Variants in PTH2R observed in about 807,000 individuals in gnomAD.
The protein encoded by PTH2R is PTH2 receptor.
A neutral mutation model predicts 60.3 loss-of-function variants in PTH2R; 59 were observed. That is an observed-to-expected ratio of 0.98 (90% CI 0.79 to 1.22). The LOEUF is 1.22. PTH2R is among the 50% of genes most tolerant of loss of function. The probability of loss-of-function intolerance (pLI) is 0.00; values close to 1 mark genes in which losing one functional copy is unlikely to be tolerated. For synonymous variants in PTH2R, 256 were observed against 243.8 expected (o/e 1.05, Z -0.47); for missense variants, 749 against 682.6 (o/e 1.10, Z -1.08).
chr2:208,442,436 G>C lies in PTH2R; in HGVS notation c.484G>C (p.Ala162Pro). 6.2e-7 allele frequency: 1 copy of C among 1,611,682 alleles called. No individual in the cohort carries two copies. The highest frequency in any genetic ancestry group is 8.5e-7 in the Non-Finnish European group (1 of 1,177,896). ...CATCTCTTTTGGTTCCTTGGCTGTG[G>C]CTATTCTCATCATTGGTTACTTCAG... ...YSISFGSLAV[A>P]ILIIGYFRRL... Residue 162 changes from alanine to proline, a missense_variant, in exon 5 of 13, where the codon GCT becomes CCT. Ala to Pro is a conservative substitution (Grantham distance 27). Coordinates refer to ENST00000272847, the MANE Select transcript of PTH2R (RefSeq NM_005048.4).
chr2:208,422,517 GAA>G (rs1288387040), intron 1 of PTH2R, among the ~76,000 whole-genome samples: 1 of 151,964 alleles, frequency 6.6e-6, no homozygotes, highest in African/African-American at 2.4e-5. Context: ...TTCACTTTAG[GAA>G]AGATATATTT....
At chr2:208,421,851 G>A (rs1701762601) in intron 1 of PTH2R, among the ~76,000 whole-genome samples, 1 of 152,182 alleles carries the variant, frequency 6.6e-6, no homozygotes, top group Admixed American at 6.6e-5. Flanking sequence ...TGAATTCCAA[G>A]CAAAATTCCT....
At chr2:208,430,690 G>C (rs1330906227) in intron 2 of PTH2R, among the ~76,000 whole-genome samples, 2 of 152,074 alleles carry the variant, frequency 1.3e-5, no homozygotes, top group African/African-American at 4.8e-5. Flanking sequence ...GGGACTACAG[G>C]TGCCTGCCAC....
intron 1 of PTH2R, among the ~76,000 whole-genome samples, chr2:208,382,850 T>A (rs1012053563): frequency 5.3e-5 from 8 of 152,218 alleles, no homozygotes; most frequent in African/African-American, 1.9e-4. Context: ...TGTGATATTC[T>A]CTGAGGCACA....
upstream of PTH2R, among the ~76,000 whole-genome samples, chr2:208,405,180 C>T (rs1701378952): frequency 6.6e-6 from 1 of 152,074 alleles, no homozygotes. Flanking sequence ...GAAATTGTTA[C>T]ATTACCTAAA....
intron 1 of PTH2R, among the ~76,000 whole-genome samples, chr2:208,365,841 C>T (rs1700567884): frequency 7.2e-6 from 1 of 139,744 alleles, no homozygotes; most frequent in Admixed American, 7.5e-5. Flanking sequence ...TGGGCTCAAG[C>T]AATTCTGCTT....
chr2:208,450,162 G>A (rs1003476080), intron 7 of PTH2R, among the ~76,000 whole-genome samples: 3 of 152,090 alleles, frequency 2.0e-5, no homozygotes, highest in Admixed American at 6.6e-5. Context: ...CAAATATCTC[G>A]CGCTCAAATC....
rs1214536591 is a variant in PTH2R at position 208,388,132 on chromosome 2, A to C, written c.-259+27895A>C. Among the ~76,000 whole-genome samples the C allele has an allele frequency of 1.5e-3, 198 of 131,328 alleles. 1 individual carries two copies. Among genetic ancestry groups the C allele is most frequent in the South Asian group, 8.7e-3 (32 of 3,664 alleles). The allele number at this position is 131,328 out of a possible 152,430, so 86.2% of individuals were successfully genotyped here. On this transcript the variant is annotated intron_variant, in intron 1 of 12. Coordinates refer to the PTH2R transcript ENST00000617735. ...AGACCATTCTGGCTAACATGGTGAA[A>C]CCCCCCCCCCCGTCTCTACTAAAAA...
chr2:208,372,912 C>T (rs578066260), intron 1 of PTH2R, among the ~76,000 whole-genome samples: 33 of 151,908 alleles, frequency 2.2e-4, no homozygotes, highest in Non-Finnish European at 4.3e-4. Context: ...TGGCAAAACC[C>T]CGTCTCCACC....
chr2:208,449,793 A>G (rs1318365544), intron 7 of PTH2R, among the ~76,000 whole-genome samples: 3 of 152,142 alleles, frequency 2.0e-5, no homozygotes, highest in African/African-American at 7.2e-5. Flanking sequence ...AATTTTTTTA[A>G]AGGTTAAGAA....
intron 1 of PTH2R, among the ~76,000 whole-genome samples, chr2:208,418,049 T>C (rs956480271): frequency 3.3e-5 from 5 of 152,146 alleles, no homozygotes; most frequent in Non-Finnish European, 7.3e-5. Flanking sequence ...AGTTCAGTAA[T>C]GTCACCAAGA....
At chr2:208,405,625 G>C (rs1701387359), upstream of PTH2R, among the ~76,000 whole-genome samples, 1 of 152,086 alleles carries the variant, frequency 6.6e-6, no homozygotes, top group South Asian at 2.1e-4. Flanking sequence ...TACTTATTGA[G>C]CATTTCCTTG....
At chr2:208,447,997 T>C (rs1401706845) in intron 7 of PTH2R, among the ~76,000 whole-genome samples, 1 of 152,214 alleles carries the variant, frequency 6.6e-6, no homozygotes, top group African/African-American at 2.4e-5. Flanking sequence ...CCATCCTTAA[T>C]TTTCAACTGT....
At chr2:208,460,103 G>A in intron 9 of PTH2R, 142 bp downstream of exon 9, 1 of 693,088 alleles carries the variant, frequency 1.4e-6, no homozygotes, top group Non-Finnish European at 2.4e-6. Flanking sequence ...GGAGAGTCTG[G>A]GACAGAGATC....
At chr2:208,430,398 A>C (rs1285787868) in intron 2 of PTH2R, among the ~76,000 whole-genome samples, 1 of 151,910 alleles carries the variant, frequency 6.6e-6, no homozygotes, top group Admixed American at 6.5e-5. Flanking sequence ...ACCTTGAAAG[A>C]TACTTTTTCT....
At chr2:208,427,077 A>G (rs574719802) in intron 1 of PTH2R, among the ~76,000 whole-genome samples, 21 of 152,358 alleles carry the variant, frequency 1.4e-4, no homozygotes, top group Non-Finnish European at 3.1e-4. Context: ...AAATGGCACA[A>G]GGGGTGATTT....
intron 8 of PTH2R, among the ~76,000 whole-genome samples, chr2:208,459,692 G>C (rs968933508): frequency 6.6e-6 from 1 of 152,082 alleles, no homozygotes; most frequent in Non-Finnish European, 1.5e-5. Context: ...TCATCTTCAA[G>C]GGGTAGCTAA....
intron 6 of PTH2R, among the ~76,000 whole-genome samples, chr2:208,443,922 C>T (rs976452376): frequency 9.2e-5 from 14 of 152,070 alleles, no homozygotes; most frequent in African/African-American, 2.9e-4. Context: ...ATTGAGTACT[C>T]GAAGACTTGT....
At chr2:208,408,740 A>AGAAAGAGAGAAAGAGAGAGAGAGAGAG (rs1553542827) in intron 1 of PTH2R, among the ~76,000 whole-genome samples, 1 of 123,316 alleles carries the variant, frequency 8.1e-6, no homozygotes, top group East Asian at 2.2e-4. Flanking sequence ...GAGAGAGAGA[A>AGAAAGAGAGAAAGAGAGAGAGAGAGAG]AGAGAGAGAG....
Sources: gnomAD v4.1 joint callset for allele counts (sites outside exome capture counted in the v4.1 genomes callset) on GRCh38, gnomAD v4.1.1 for gene constraint, MANE v1.5 for transcripts, NCBI Gene and HGNC (gene_info 2026-07-23, HGNC 2026-07-21) for gene names.